Variants in KIRREL3 observed in about 807,000 individuals in gnomAD.
KIRREL3 encodes the protein kirre like nephrin family adhesion molecule 3.
A neutral mutation model predicts 89.7 loss-of-function variants in KIRREL3; 36 were observed. That is an observed-to-expected ratio of 0.40 (90% CI 0.31 to 0.53). KIRREL3 has a LOEUF of 0.53. Ranked by LOEUF, KIRREL3 falls within the 20% of genes least tolerant of loss-of-function variation. The pLI, the probability that KIRREL3 is intolerant of heterozygous loss-of-function variation, is 0.49. For synonymous variants in KIRREL3, 445 were observed against 441.4 expected, an observed-to-expected ratio of 1.01 and a Z score of -0.10; for missense variants, 864 against 1,056.6, an observed-to-expected ratio of 0.82 and a Z score of 2.53.
chr11:126,460,435 AAGG>A (rs1956504796), intron 6 of KIRREL3, among the ~76,000 whole-genome samples: 1 of 152,138 alleles, frequency 6.6e-6, no homozygotes, highest in South Asian at 2.1e-4. Flanking sequence ...ATCGGGGCAC[AAGG>A]AGGTTAACTA....
intron 2 of KIRREL3, among the ~76,000 whole-genome samples, chr11:126,554,627 A>G (rs1405781704): frequency 6.6e-6 from 1 of 152,204 alleles, no homozygotes; most frequent in African/African-American, 2.4e-5. Flanking sequence ...ACATCTATGC[A>G]AACACTGTGT....
chr11:126,968,516 C>T (rs555275615), intron 1 of KIRREL3, among the ~76,000 whole-genome samples: 2 of 152,284 alleles, frequency 1.3e-5, no homozygotes, highest in African/African-American at 4.8e-5. Flanking sequence ...CTGGGTCATT[C>T]ATTGCTGCCA....
rs7934138 is a variant in KIRREL3, at chr11:126,601,052, G to A, written c.56-38140C>T. 0.02 allele frequency among the ~76,000 whole-genome samples: 3,103 copies of A among 152,168 alleles called. 103 individuals carry two copies. The highest frequency in any genetic ancestry group is 0.07 in the African/African-American group (2,901 of 41,494). The stretch of plus-strand genomic sequence containing the variant: ...GGATTTCACAATCTTAGTCAGAAGC[G>A]AAATTTAAAACCCTTTGTCCCCCGT... On this transcript the variant is annotated intron_variant, in intron 1 of 16. Coordinates refer to ENST00000525144, the MANE Select transcript of KIRREL3 (RefSeq NM_032531.4). This position sits in a 1 kb window ranked among gnomAD's most constrained non-coding sequence, Gnocchi z 5.8.
Position 126,564,846 on chromosome 11 carries a change from G to A in KIRREL3, c.56-1934C>T, listed in dbSNP as rs773777421. Among the ~76,000 whole-genome samples the A allele has an allele frequency of 6.6e-5, 10 of 152,224 alleles. No homozygotes were observed. The highest frequency in any genetic ancestry group is 3.8e-4 in the East Asian group (2 of 5,196). On this transcript the variant is annotated intron_variant, in intron 1 of 16. Coordinates refer to ENST00000525144, the MANE Select transcript of KIRREL3 (RefSeq NM_032531.4). The surrounding 1 kb of genome is among the most constrained non-coding windows in gnomAD (Gnocchi z 7.4). ...GAGCTCCCTGGAACAATAGCCTCTC[G>A]AGGGAGACTGTATTGAAACCTCAAC...
chr11:126,920,687 T>C (rs1947236449), intron 1 of KIRREL3: 1 of 152,278 alleles, frequency 6.6e-6, no homozygotes, highest in Non-Finnish European at 1.5e-5. Flanking sequence ...CTCTACTTTC[T>C]CCCTGTCTTA....
At chr11:126,663,828 T>A (rs566431328) in intron 1 of KIRREL3, among the ~76,000 whole-genome samples, 1 of 152,378 alleles carries the variant, frequency 6.6e-6, no homozygotes, top group South Asian at 2.1e-4. Flanking sequence ...TGGCAATTCA[T>A]GATTGTTGAG....
At position 126,489,901 on chromosome 11, in the gene KIRREL3, G is replaced by T. The variant is rs960324873; in HGVS notation, c.434-16435C>A. Among the ~76,000 whole-genome samples, 10 of 152,146 alleles carry T rather than the reference G, an allele frequency of 6.6e-5. No homozygotes were observed. The East Asian group carries it at 1.5e-3, about 23-fold the overall frequency. On this transcript the variant is annotated intron_variant, in intron 4 of 16. Coordinates refer to ENST00000525144, the MANE Select transcript of KIRREL3 (RefSeq NM_032531.4). This position sits in a 1 kb window ranked among gnomAD's most constrained non-coding sequence, Gnocchi z 5.5. ...AGTGGGTGCGCTGGGATCAGTCCGG[G>T]TTAAAATACGTGGGTCTCAGCTCAG... is the stretch of plus-strand genomic sequence containing the variant.
At position 126,758,963 on chromosome 11, in the gene KIRREL3, C is replaced by A. The variant is rs941517658; in HGVS notation, c.56-196051G>T. ...TACCCAAGAAAAACAATTTAAAATG[C>A]TTTCTTTGATTATATTTCCTTTGGG... On this transcript the variant is annotated intron_variant, in intron 1 of 16. Transcript: ENST00000525144. Among the ~76,000 whole-genome samples, 7 of 152,266 alleles carry A rather than the reference C, an allele frequency of 4.6e-5. No individual in the cohort carries two copies. The South Asian group carries it at 8.3e-4, about 18-fold the overall frequency.
rs1945947338 is a variant in KIRREL3, at chr11:126,892,098, C to A, written c.55+108357G>T. ...AGTGTCTCTGTGCACCAGAGAGAGG[C>A]CACTTAGCCTCCCTTGGCCTCAATG... is the stretch of plus-strand genomic sequence containing the variant. On this transcript the variant is annotated intron_variant, in intron 1 of 16. Coordinates refer to ENST00000525144, the MANE Select transcript of KIRREL3 (RefSeq NM_032531.4). The surrounding 1 kb of genome is among the most constrained non-coding windows in gnomAD (Gnocchi z 5.4). Among the ~76,000 whole-genome samples the A allele has an allele frequency of 6.6e-6, 1 of 152,134 alleles. No homozygotes were observed. Among genetic ancestry groups the A allele is most frequent in the African/African-American group, 2.4e-5 (1 of 41,430 alleles).
Position 126,571,732 on chromosome 11 carries a change from C to T in KIRREL3, c.56-8820G>A, listed in dbSNP as rs1460674381. On this transcript the variant is annotated intron_variant, in intron 1 of 16. Coordinates refer to ENST00000525144, the MANE Select transcript of KIRREL3 (RefSeq NM_032531.4). This position sits in a 1 kb window ranked among gnomAD's most constrained non-coding sequence, Gnocchi z 7.7. ...CTAATCATGAATGAGATTCTTTGGACTTCCAGTATAATCCGTTTGTGAGAG... is the reference window on the plus strand; with the variant it reads ...CTAATCATGAATGAGATTCTTTGGATTTCCAGTATAATCCGTTTGTGAGAG... 6.6e-6 allele frequency among the ~76,000 whole-genome samples: 1 copy of T among 151,636 alleles called. No homozygotes were observed. Among genetic ancestry groups the T allele is most frequent in the African/African-American group, 2.4e-5 (1 of 41,224 alleles).
Position 126,780,393 on chromosome 11 carries a change from A to C in KIRREL3, c.56-217481T>G, listed in dbSNP as rs1459882745. ...AACCAGCTATTCGTGGGGAAGCCTG[A>C]CAGGGTTTCTTTTAACTTAATGTTT... On this transcript the variant is annotated intron_variant, in intron 1 of 16. Coordinates refer to ENST00000525144, the MANE Select transcript of KIRREL3 (RefSeq NM_032531.4). This position sits in a 1 kb window ranked among gnomAD's most constrained non-coding sequence, Gnocchi z 5.3. 6.6e-6 allele frequency among the ~76,000 whole-genome samples: 1 copy of C among 152,204 alleles called. No homozygotes were observed. The highest frequency in any genetic ancestry group is 2.4e-5 in the African/African-American group (1 of 41,462).
At chr11:126,871,671 C>T (rs1945114528) in intron 1 of KIRREL3, among the ~76,000 whole-genome samples, 1 of 152,162 alleles carries the variant, frequency 6.6e-6, no homozygotes, top group African/African-American at 2.4e-5. Context: ...CTTGAAGAAG[C>T]AGGAATCACC....
intron 1 of KIRREL3, among the ~76,000 whole-genome samples, chr11:126,923,077 C>T (rs67303974): frequency 0.21 from 24,860 of 117,524 alleles, 4,801 homozygotes; most frequent in African/African-American, 0.44. Flanking sequence ...GCTCAGCTTG[C>T]CTTGTGGATC....
chr11:126,818,811 C>T (rs538100199), intron 1 of KIRREL3, among the ~76,000 whole-genome samples: 86 of 151,916 alleles, frequency 5.7e-4, no homozygotes, highest in African/African-American at 2.0e-3. Context: ...TTCAGGTCAG[C>T]CTCTACTCTA....
rs1947592160 is a variant in KIRREL3 at position 126,924,133 on chromosome 11, T to C, written c.55+76322A>G. ...CTTGTAGACACTTGATAAGCAGTGGTCTTATGGCTGGTAGCCCAGGCAGCT... is the reference window on the plus strand; with the variant it reads ...CTTGTAGACACTTGATAAGCAGTGGCCTTATGGCTGGTAGCCCAGGCAGCT... On this transcript the variant is annotated intron_variant, in intron 1 of 16. Coordinates refer to ENST00000525144, the MANE Select transcript of KIRREL3 (RefSeq NM_032531.4). This position sits in a 1 kb window ranked among gnomAD's most constrained non-coding sequence, Gnocchi z 4.7. Among the ~76,000 whole-genome samples, 1 of 152,196 alleles carries C rather than the reference T, an allele frequency of 6.6e-6. No individual in the cohort carries two copies. The highest frequency in any genetic ancestry group is 2.4e-5 in the African/African-American group (1 of 41,442).
At chr11:126,699,115 C>A (rs1260620309) in intron 1 of KIRREL3, among the ~76,000 whole-genome samples, 1 of 152,182 alleles carries the variant, frequency 6.6e-6, no homozygotes, top group Non-Finnish European at 1.5e-5. Flanking sequence ...AAGGCCAATG[C>A]CCCCAAGAGG....
rs1158980769 is a variant in KIRREL3 at position 126,898,753 on chromosome 11, AT to A, written c.55+101701del. ...AGGACCAGAGACGAAGATGGAAAAT[AT>A]AAAAAAAGAGAGTTCTTAGATGGGT... On this transcript the variant is annotated intron_variant, in intron 1 of 16. Coordinates refer to ENST00000525144, the MANE Select transcript of KIRREL3 (RefSeq NM_032531.4). This position sits in a 1 kb window ranked among gnomAD's most constrained non-coding sequence, Gnocchi z 4.9. 1.3e-5 allele frequency among the ~76,000 whole-genome samples: 2 copies of A among 152,208 alleles called. No individual in the cohort carries two copies. The highest frequency in any genetic ancestry group is 4.8e-5 in the African/African-American group (2 of 41,448).
intron 2 of KIRREL3, among the ~76,000 whole-genome samples, chr11:126,533,821 T>G (rs1007655244): frequency 1.3e-5 from 2 of 152,148 alleles, no homozygotes; most frequent in Admixed American, 1.3e-4. Context: ...CTTGTGGAGA[T>G]AGAGAGGATG....
At chr11:126,517,073 AC>A (rs200221504) in intron 4 of KIRREL3, among the ~76,000 whole-genome samples, 2,703 of 152,012 alleles carry the variant, frequency 0.018, 36 homozygotes, top group Middle Eastern at 0.027. Flanking sequence ...ATCTCAAAAA[AC>A]AAAAAACAAA....
Sources: allele counts gnomAD v4.1 joint callset (sites outside exome capture counted in the v4.1 genomes callset), GRCh38; gene constraint gnomAD v4.1.1; non-coding constraint Gnocchi (gnomAD v3.1); transcripts MANE v1.5; gene names NCBI Gene and HGNC (gene_info 2026-07-23, HGNC 2026-07-21).